The following CA12 variants were observed in gnomAD, a reference collection of about 807,000 sequenced individuals.
CA12 encodes the protein carbonate dehydratase XII.
In CA12, 36 loss-of-function variants were observed where a neutral mutation model predicts 46.8. The observed-to-expected ratio is 0.77, with a 90% confidence interval of 0.59 to 1.02. The LOEUF is 1.02. Among genes scored for constraint, CA12 ranks in the 50% least tolerant of loss-of-function variants. The pLI is 0.00. For synonymous variants in CA12, 202 were observed against 187.0 expected (o/e 1.08, Z -0.65); for missense variants, 436 against 451.4 (o/e 0.97, Z 0.31).
At chr15:63,349,097 T>C (rs2039191622) in intron 2 of CA12, among the ~76,000 whole-genome samples, 1 of 152,158 alleles carries the variant, frequency 6.6e-6, no homozygotes. Flanking sequence ...GTCCCAACAC[T>C]TCAGTGGGTT....
At chr15:63,367,719 C>T (rs995623691) in intron 2 of CA12, among the ~76,000 whole-genome samples, 5 of 152,190 alleles carry the variant, frequency 3.3e-5, no homozygotes, top group Admixed American at 3.3e-4. Context: ...TTTGGAGTTA[C>T]ACCAGCTCTG....
At position 63,327,209 on chromosome 15, in the gene CA12, G is replaced by T; in HGVS notation, c.932C>A (p.Ala311Asp). 6.2e-7 allele frequency: 1 copy of T among 1,613,998 alleles called. No homozygotes were observed. Among genetic ancestry groups the T allele is most frequent in the Non-Finnish European group, 8.5e-7 (1 of 1,179,932 alleles). The change falls in exon 10 of 11, where the codon GCT becomes GAT. Residue 311 changes from alanine (A) to aspartate (D), a missense_variant. Coordinates refer to ENST00000178638, the MANE Select transcript of CA12 (RefSeq NM_001218.5). The surrounding 1 kb of genome is among the most constrained non-coding windows in gnomAD (Gnocchi z 4.5). Reference sequence around the variant, plus strand: ...CACAATACAGATGCCAAGAATGCCAGCCAGGGCCAGTGAGAGGATGATGCC... The same window carrying T: ...CACAATACAGATGCCAAGAATGCCATCCAGGGCCAGTGAGAGGATGATGCC... ...SLGIILSLALAGILGICIVVV... is the reference protein window; with the variant it reads ...SLGIILSLALDGILGICIVVV...
At chr15:63,362,847 A>G (rs1349559974) in intron 2 of CA12, among the ~76,000 whole-genome samples, 1 of 152,236 alleles carries the variant, frequency 6.6e-6, no homozygotes, top group Non-Finnish European at 1.5e-5. Flanking sequence ...GAAGACCTTC[A>G]TCCTGGCTAC....
Position 63,357,843 on chromosome 15 carries a change from A to G in CA12, c.107-11134T>C, listed in dbSNP as rs537410377. ...ACCTCCCACTCTCCCTGCTCTCAGC[A>G]CCGGGCAACCACTAATCTGCTCTCT... On this transcript the variant is annotated intron_variant, in intron 2 of 10. Transcript: ENST00000178638. 2.0e-5 allele frequency among the ~76,000 whole-genome samples: 3 copies of G among 152,258 alleles called. No homozygotes were observed. In the East Asian group the frequency reaches 5.8e-4, roughly 29 times the overall value.
chr15:63,351,462 A>G (rs1392621287), intron 2 of CA12, among the ~76,000 whole-genome samples: 7 of 151,938 alleles, frequency 4.6e-5, no homozygotes, highest in Non-Finnish European at 1.0e-4. Flanking sequence ...CCACCCCAAC[A>G]AGACAAAGCA....
Position 63,372,233 on chromosome 15 carries a change from C to T in CA12, c.106+3425G>A, listed in dbSNP as rs1348192306. ...GCTGCCGGGCTCAGCGGGATTGATG[C>T]GGGACTGATTTCCGGCGGGGAAGGT... On this transcript the variant is annotated intron_variant, in intron 2 of 10. Transcript: ENST00000178638. The surrounding 1 kb of genome is among the most constrained non-coding windows in gnomAD (Gnocchi z 4.5). Among the ~76,000 whole-genome samples the T allele has an allele frequency of 2.6e-5, 4 of 152,190 alleles. No homozygotes were observed. Among genetic ancestry groups the T allele is most frequent in the East Asian group, 1.9e-4 (1 of 5,198 alleles).
At chr15:63,368,703 G>C (rs953002815) in intron 2 of CA12, among the ~76,000 whole-genome samples, 3 of 152,184 alleles carry the variant, frequency 2.0e-5, no homozygotes, top group Non-Finnish European at 1.5e-5. Context: ...GGTCAAGTCG[G>C]AGCACAGCCA....
intron 2 of CA12, among the ~76,000 whole-genome samples, chr15:63,347,132 G>A (rs183137238): frequency 8.2e-4 from 125 of 152,330 alleles, no homozygotes; most frequent in Middle Eastern, 6.8e-3. Context: ...GCATTCTAGC[G>A]GGGAAGAATT....
chr15:63,364,196 C>T (rs890371109), intron 2 of CA12, among the ~76,000 whole-genome samples: 2 of 147,890 alleles, frequency 1.4e-5, no homozygotes, highest in East Asian at 2.0e-4. Flanking sequence ...AGTGGGGGGG[C>T]GGTGAGGAGA....
intron 2 of CA12, among the ~76,000 whole-genome samples, chr15:63,350,682 G>A (rs1348887915): frequency 6.6e-6 from 1 of 152,202 alleles, no homozygotes; most frequent in African/African-American, 2.4e-5. Flanking sequence ...TGCCTCTCGT[G>A]ATTTCTGATT....
chr15:63,342,254 A>G (rs918755176), intron 4 of CA12, among the ~76,000 whole-genome samples, 157 bp from the exon 5 acceptor site: 1 of 152,108 alleles, frequency 6.6e-6, no homozygotes, highest in Admixed American at 6.5e-5. Flanking sequence ...TATTTTGCCA[A>G]GGATAAGGAC....
intron 2 of CA12, among the ~76,000 whole-genome samples, chr15:63,367,025 G>A (rs551542652): frequency 6.9e-4 from 104 of 151,730 alleles, no homozygotes; most frequent in Non-Finnish European, 1.2e-3. Context: ...AGGTTCCAGC[G>A]ATTCTCCTGC....
intron 2 of CA12, among the ~76,000 whole-genome samples, chr15:63,362,493 G>A (rs988523141): frequency 6.6e-6 from 1 of 152,204 alleles, no homozygotes; most frequent in Non-Finnish European, 1.5e-5. Context: ...GTGACCAGCA[G>A]ATAAGCCCTG....
At position 63,327,068 on chromosome 15, in the gene CA12, C is replaced by T. The variant is rs2038876459; in HGVS notation, c.992+81G>A. The T allele has an allele frequency of 7.6e-7, 1 of 1,321,868 alleles. No individual in the cohort carries two copies. The highest frequency in any genetic ancestry group is 1.1e-6 in the Non-Finnish European group (1 of 919,414). The allele number at this position is 1,321,868 out of a possible 1,614,324, so 81.9% of individuals were successfully genotyped here. A position where few individuals can be genotyped will look rare whatever the true frequency, so the allele number is the denominator to read the frequency against. On this transcript the variant is annotated intron_variant, in intron 10 of 10. Coordinates refer to ENST00000178638, the MANE Select transcript of CA12 (RefSeq NM_001218.5). The surrounding 1 kb of genome is among the most constrained non-coding windows in gnomAD (Gnocchi z 4.5). ...GTCCAGGTGACTGCGGCTCTTCATG[C>T]CACAAAGCTGCCTTCCCAGGCAGAC...
chr15:63,328,232 TGACA>T lies in CA12; in HGVS notation c.875-106_875-103del, dbSNP rs2038893158. Reference sequence around the variant, plus strand: ...CTCTACCATTTGTTTGGTCTTAGGCTGACAGACCTCTAGGGATGTCCACCCTTGG... The same window carrying T: ...CTCTACCATTTGTTTGGTCTTAGGCTGACCTCTAGGGATGTCCACCCTTGG... On this transcript the variant is annotated intron_variant, in intron 8 of 10. Transcript: ENST00000178638. This position sits in a 1 kb window ranked among gnomAD's most constrained non-coding sequence, Gnocchi z 5.9. 5 of 1,066,670 alleles carry T rather than the reference TGACA, an allele frequency of 4.7e-6. No homozygotes were observed. The Admixed American group carries it at 7.4e-5, about 16-fold the overall frequency. 66.1% of individuals were successfully genotyped at this position (1,066,670 alleles called of 1,614,324 possible).
At chr15:63,352,094 C>T in intron 2 of CA12, among the ~76,000 whole-genome samples, 1 of 152,200 alleles carries the variant, frequency 6.6e-6, no homozygotes, top group East Asian at 1.9e-4. Flanking sequence ...CTTGCTCTGT[C>T]ACCAAGGCTG....
chr15:63,368,408 C>T (rs1341901324), intron 2 of CA12, among the ~76,000 whole-genome samples: 1 of 152,204 alleles, frequency 6.6e-6, no homozygotes, highest in Non-Finnish European at 1.5e-5. Context: ...GAAGGAGGCC[C>T]CTGCTCCTTC....
chr15:63,340,581 C>T lies in CA12; in HGVS notation c.590-136G>A. On this transcript the variant is annotated intron_variant, in intron 6 of 10. Transcript: ENST00000178638. This position sits in a 1 kb window ranked among gnomAD's most constrained non-coding sequence, Gnocchi z 4.4. ...ATCTAACCCCAGGACCTGGTTGCAA[C>T]ATTGTTCAACAACCTGCTGCTCTTA... The T allele has an allele frequency of 7.2e-7, 1 of 1,392,418 alleles. No homozygotes were observed. The allele number at this position is 1,392,418 out of a possible 1,614,324, so 86.3% of individuals were successfully genotyped here.
rs1250120831 is a variant in CA12, at chr15:63,322,169, C to G, written c.*4116G>C. The G allele has an allele frequency of 6.6e-6, 1 of 152,172 alleles. No homozygotes were observed. The highest frequency in any genetic ancestry group is 1.5e-5 in the Non-Finnish European group (1 of 68,028). 9.4% of individuals were successfully genotyped at this position (152,172 alleles called of 1,614,324 possible). A position where few individuals can be genotyped will look rare whatever the true frequency, so the allele number is the denominator to read the frequency against. ...CAACTTCTAAGTGTGTTTGGAGCAACTCGGATATTGGAATCTTTTAAACTG... is the reference window on the plus strand; with the variant it reads ...CAACTTCTAAGTGTGTTTGGAGCAAGTCGGATATTGGAATCTTTTAAACTG... On this transcript the variant is annotated 3_prime_UTR_variant, in exon 11 of 11. Coordinates refer to ENST00000178638, the MANE Select transcript of CA12 (RefSeq NM_001218.5). The surrounding 1 kb of genome is among the most constrained non-coding windows in gnomAD (Gnocchi z 4.1).
Sources: gnomAD v4.1 joint callset for allele counts (sites outside exome capture counted in the v4.1 genomes callset) on GRCh38, gnomAD v4.1.1 for gene constraint, Gnocchi (gnomAD v3.1) non-coding constraint, MANE v1.5 for transcripts, NCBI Gene and HGNC (gene_info 2026-07-23, HGNC 2026-07-21) for gene names.